The following NSMAF variants were observed in gnomAD, a reference collection of about 807,000 sequenced individuals.
NSMAF encodes neutral sphingomyelinase activation associated factor, also known as protein FAN.
Under a neutral mutation model 134.9 loss-of-function variants are expected in NSMAF, and 90 were observed. The ratio of observed to expected loss-of-function variants is 0.67; its 90% CI spans 0.56 to 0.79. The LOEUF is 0.79. Among genes scored for constraint, NSMAF ranks in the 30% least tolerant of loss-of-function variants. The pLI is 0.00. For synonymous variants in NSMAF, 358 were observed against 389.6 expected (o/e 0.92, Z 0.96); for missense variants, 1,010 against 1,119.0 (o/e 0.90, Z 1.39).
chr8:58,647,728 C>T (rs1198867808), intron 1 of NSMAF, among the ~76,000 whole-genome samples: 1 of 152,170 alleles, frequency 6.6e-6, no homozygotes, highest in African/African-American at 2.4e-5. Context: ...CTGAGGCTTA[C>T]CAGAAACCAA....
At chr8:58,624,759 A>G (rs1286600170) in intron 6 of NSMAF, among the ~76,000 whole-genome samples, 1 of 152,174 alleles carries the variant, frequency 6.6e-6, no homozygotes, top group Non-Finnish European at 1.5e-5. Flanking sequence ...TGTTAGGTCC[A>G]TTGGGTCTAC....
chr8:58,598,154 C>T (rs1806180524), intron 19 of NSMAF, among the ~76,000 whole-genome samples: 1 of 152,102 alleles, frequency 6.6e-6, no homozygotes, highest in African/African-American at 2.4e-5. Flanking sequence ...GGAAGCATGA[C>T]TTATAGAATT....
At chr8:58,659,410 G>C (rs1807806892) in intron 1 of NSMAF, 163 bp downstream of exon 1, 2 of 1,513,254 alleles carry the variant, frequency 1.3e-6, no homozygotes, top group East Asian at 2.7e-5. Flanking sequence ...CCCGACCTCA[G>C]GTTTCCGCCA....
chr8:58,591,369 A>T (rs1221699891), intron 23 of NSMAF, among the ~76,000 whole-genome samples: 1 of 152,126 alleles, frequency 6.6e-6, no homozygotes, highest in Non-Finnish European at 1.5e-5. Context: ...GTTAAGTGTG[A>T]TACCCTTGCA....
chr8:58,637,809 G>A (rs1262806136), intron 2 of NSMAF, among the ~76,000 whole-genome samples: 1 of 152,110 alleles, frequency 6.6e-6, no homozygotes, highest in African/African-American at 2.4e-5. Context: ...TAAAAAGTCT[G>A]TACACTGAAA....
chr8:58,590,190 C>G (rs1051478005), intron 24 of NSMAF, 116 bp from the exon 25 acceptor site: 1 of 844,346 alleles, frequency 1.2e-6, no homozygotes, highest in Admixed American at 2.3e-5. Flanking sequence ...TTATGTGGCT[C>G]TCCTCCTATT....
chr8:58,590,017 C>T lies in NSMAF; in HGVS notation c.2077G>A (p.Asp693Asn), dbSNP rs1163918105. The T allele has an allele frequency of 1.9e-6, 3 of 1,613,466 alleles. No individual in the cohort carries two copies. The highest frequency in any genetic ancestry group is 3.3e-5 in the Admixed American group (2 of 60,026). The change falls in exon 25 of 31, where the codon GAT becomes AAT. Residue 693 changes from aspartate to asparagine, a missense_variant. Transcript: ENST00000038176. The stretch of plus-strand genomic sequence containing the variant: ...TGCACAGATACATACACATTATTAT[C>T]CCATGAAGAAGTTATGACAGTGGCA... ...GDATVITSSW[D>N]NNVYFYSIAF...
At chr8:58,639,207 C>G (rs1194976145) in intron 2 of NSMAF, among the ~76,000 whole-genome samples, 2 of 151,902 alleles carry the variant, frequency 1.3e-5, no homozygotes, top group East Asian at 3.9e-4. Context: ...TCGCTTGAAC[C>G]CGGAAGGCAG....
intron 1 of NSMAF, among the ~76,000 whole-genome samples, chr8:58,645,683 G>A (rs1431696753): frequency 3.3e-5 from 5 of 152,032 alleles, no homozygotes; most frequent in Non-Finnish European, 5.9e-5. Flanking sequence ...AGGTCAAAAG[G>A]CTACAATTAA....
intron 6 of NSMAF, among the ~76,000 whole-genome samples, chr8:58,624,727 T>C (rs560194718): frequency 6.6e-6 from 1 of 152,232 alleles, no homozygotes; most frequent in Non-Finnish European, 1.5e-5. Context: ...CTGCTGCTGT[T>C]GGGTAGAAAG....
chr8:58,589,423 TA>T (rs1370663826), intron 26 of NSMAF, 28 bp downstream of exon 26: 1 of 1,428,154 alleles, frequency 7.0e-7, no homozygotes, highest in Non-Finnish European at 9.2e-7. Context: ...CACACCAAGT[TA>T]AAAAAACTTT....
At position 58,603,286 on chromosome 8, in the gene NSMAF, G is replaced by C; in HGVS notation, c.969C>G (p.Ala323=). The C allele has an allele frequency of 6.2e-7, 1 of 1,614,124 alleles. No homozygotes were observed. Among genetic ancestry groups the C allele is most frequent in the Non-Finnish European group, 8.5e-7 (1 of 1,180,024 alleles). The change falls in exon 13 of 31, where the codon GCC becomes GCG. Residue 323 remains alanine (A), a synonymous_variant. Coordinates refer to ENST00000038176, the MANE Select transcript of NSMAF (RefSeq NM_003580.4). ...GGGAGAGGTCGTTGCAGCTGCGGTCGGCCAGGTTGTTGAGGTGAAGGAGGT... is the reference window on the plus strand; with the variant it reads ...GGGAGAGGTCGTTGCAGCTGCGGTCCGCCAGGTTGTTGAGGTGAAGGAGGT... ...YQYLLHLNNL[A]DRSCNDLSQY...
In NSMAF at chr8:58,659,844, G is replaced by A; in HGVS notation, c.-213C>T. ...GCAGCATCCTCGCGTGGGGACTCCG[G>A]CGGCACCGTGACTCAGGCCCGGAGG... is the stretch of plus-strand genomic sequence containing the variant. On this transcript the variant is annotated 5_prime_UTR_variant, in exon 1 of 31. Coordinates refer to ENST00000038176, the MANE Select transcript of NSMAF (RefSeq NM_003580.4). 3.6e-6 allele frequency: 1 copy of A among 275,594 alleles called. No homozygotes were observed. Among genetic ancestry groups the A allele is most frequent in the Non-Finnish European group, 6.7e-6 (1 of 149,160 alleles). The allele number at this position is 275,594 out of a possible 1,614,324, so 17.1% of individuals were successfully genotyped here.
At chr8:58,599,681 A>T in intron 18 of NSMAF, 69 bp downstream of exon 18, 1 of 1,526,906 alleles carries the variant, frequency 6.5e-7, no homozygotes, top group Non-Finnish European at 8.9e-7. Flanking sequence ...TAAGCAATAA[A>T]ATAATTACTG....
At chr8:58,622,620 C>T (rs931231785) in intron 9 of NSMAF, among the ~76,000 whole-genome samples, 10 of 152,128 alleles carry the variant, frequency 6.6e-5, no homozygotes, top group African/African-American at 2.4e-4. Context: ...GTCTTGAACT[C>T]CTGACCTCGT....
intron 9 of NSMAF, among the ~76,000 whole-genome samples, chr8:58,621,983 A>G (rs773036075): frequency 2.6e-5 from 4 of 152,058 alleles, no homozygotes; most frequent in Non-Finnish European, 5.9e-5. Flanking sequence ...ATTAGTTCTC[A>G]TTTGTCAATT....
At chr8:58,659,386 C>T in intron 1 of NSMAF, 187 bp downstream of exon 1, 2 of 1,519,308 alleles carry the variant, frequency 1.3e-6, no homozygotes, top group Non-Finnish European at 1.8e-6. Context: ...CAGACCAGGC[C>T]CCCGGCCTCT....
intron 23 of NSMAF, 99 bp from the exon 24 acceptor site, chr8:58,591,033 C>T: frequency 1.5e-6 from 2 of 1,330,884 alleles, no homozygotes; most frequent in Non-Finnish European, 2.0e-6. Flanking sequence ...GCCAACAGTA[C>T]ACTTTATACT....
At chr8:58,639,044 G>A (rs372782442) in intron 2 of NSMAF, among the ~76,000 whole-genome samples, 3 of 152,180 alleles carry the variant, frequency 2.0e-5, no homozygotes, top group East Asian at 3.9e-4. Flanking sequence ...CAGCACTTTC[G>A]GAGGCCGAGG....
Sources: allele counts gnomAD v4.1 joint callset (sites outside exome capture counted in the v4.1 genomes callset), GRCh38; gene constraint gnomAD v4.1.1; transcripts MANE v1.5; gene names NCBI Gene and HGNC (gene_info 2026-07-23, HGNC 2026-07-21).